Variants in CREB3 observed in about 807,000 individuals in gnomAD.
The protein encoded by CREB3 is cyclic AMP-responsive element-binding protein 3.
Under a neutral mutation model 34.5 loss-of-function variants are expected in CREB3, and 29 were observed. The observed-to-expected ratio is 0.84, with a 90% CI of 0.63 to 1.15. The LOEUF (loss-of-function observed/expected upper bound fraction) is 1.15. CREB3 is among the 50% of genes most tolerant of loss of function. The pLI is 0.00. For missense variants in CREB3, 447 were observed against 443.4 expected (o/e 1.01, Z -0.07); for synonymous variants, 187 against 173.9 (o/e 1.08, Z -0.59).
chr9:35,733,333 C>T, intron 3 of CREB3, 51 bp downstream of exon 3: 4 of 1,607,594 alleles, frequency 2.5e-6, no homozygotes, highest in Non-Finnish European at 3.4e-6. Context: ...CAGGTGGGGG[C>T]AGGATTCCCC....
chr9:35,736,040 T>G lies in CREB3; in HGVS notation c.612-8T>G, dbSNP rs1199231132. On this transcript the variant is annotated splice_region_variant and splice_polypyrimidine_tract_variant and intron_variant, in intron 6 of 8. Transcript: ENST00000353704. ...GGATGCTCACTATTGGCCCCTCTCTTCCTCTAGGTCCCTTCTAGATCAACT... is the reference window on the plus strand; with the variant it reads ...GGATGCTCACTATTGGCCCCTCTCTGCCTCTAGGTCCCTTCTAGATCAACT... 1.8e-5 allele frequency: 29 copies of G among 1,610,850 alleles called. No homozygotes were observed. Among genetic ancestry groups the G allele is most frequent in the Non-Finnish European group, 2.3e-5 (27 of 1,177,216 alleles).
intron 4 of CREB3, among the ~76,000 whole-genome samples, chr9:35,734,222 C>T (rs1405715405): frequency 6.6e-6 from 1 of 152,058 alleles, no homozygotes; most frequent in Non-Finnish European, 1.5e-5. Context: ...AAGTGATCTA[C>T]CCACCTTGGC....
At chr9:35,733,614 A>G in intron 4 of CREB3, 129 bp downstream of exon 4, 1 of 673,090 alleles carries the variant, frequency 1.5e-6, no homozygotes, top group East Asian at 2.7e-5. Context: ...TTTATTGCTA[A>G]TAGGAAGTTG....
Position 35,733,665 on chromosome 9 carries a change from G to T in CREB3, c.435+180G>T, listed in dbSNP as rs530444674. Among the ~76,000 whole-genome samples, 131 of 152,160 alleles carry T rather than the reference G, an allele frequency of 8.6e-4. 1 individual carries two copies. The highest frequency in any genetic ancestry group is 1.3e-3 in the Non-Finnish European group (85 of 67,994). On this transcript the variant is annotated intron_variant, in intron 4 of 8. Transcript: ENST00000353704. ...ATGCCAGATGCAAGGGCAGATCCTC[G>T]TTTTTGTTGGGCTTATACAAATTTT...
rs368467510 is a variant in CREB3, at chr9:35,736,458, A to C, written c.848A>C (p.Gln283Pro). 3 of 1,614,142 alleles carry C rather than the reference A, an allele frequency of 1.9e-6. No individual in the cohort carries two copies. The highest frequency in any genetic ancestry group is 2.7e-5 in the African/African-American group (2 of 75,036). ...TACCAGCTGGAGCTGCCTGCCCTGC[A>C]GTCAGAAGTGCCGAAAGACAGCACA... Reference protein sequence around the residue: ...DPYQLELPALQSEVPKDSTHQ... With the variant: ...DPYQLELPALPSEVPKDSTHQ... The change falls in exon 9 of 9, where the codon CAG becomes CCG. Residue 283 changes from glutamine (Q) to proline (P), a missense_variant. Coordinates refer to ENST00000353704, the MANE Select transcript of CREB3 (RefSeq NM_006368.5).
chr9:35,733,251 C>T lies in CREB3; in HGVS notation c.314C>T (p.Thr105Ile). 1 of 1,614,198 alleles carries T rather than the reference C, an allele frequency of 6.2e-7. No homozygotes were observed. Among genetic ancestry groups the T allele is most frequent in the African/African-American group, 1.3e-5 (1 of 75,040 alleles). The change falls in exon 3 of 9, where the codon ACT becomes ATT. Residue 105 changes from threonine to isoleucine, a missense_variant. Coordinates refer to ENST00000353704, the MANE Select transcript of CREB3 (RefSeq NM_006368.5). The stretch of plus-strand genomic sequence containing the variant: ...TGTAGAAAAGAGGGGACCCAGATGA[C>T]TCCACAGCATATGGAGGAGCTGGCA... Reference protein sequence around the residue: ...ESCRKEGTQMTPQHMEELAEQ... With the variant: ...ESCRKEGTQMIPQHMEELAEQ...
chr9:35,736,523 C>T lies in CREB3; in HGVS notation c.913C>T (p.Pro305Ser), dbSNP rs552549670. Residue 305 changes from proline to serine, a missense_variant, in exon 9 of 9, where the codon CCT becomes TCT. Transcript: ENST00000353704. Reference protein sequence around the residue: ...LDGSDCVLQAPGNTSCLLHYM... With the variant: ...LDGSDCVLQASGNTSCLLHYM... ...CGGCTCAGACTGTGTACTCCAGGCCCCTGGCAACACTTCCTGCCTGCTGCA... is the reference window on the plus strand; with the variant it reads ...CGGCTCAGACTGTGTACTCCAGGCCTCTGGCAACACTTCCTGCCTGCTGCA... The T allele has an allele frequency of 1.5e-5, 25 of 1,614,192 alleles. No homozygotes were observed. The East Asian group carries it at 4.7e-4, about 30-fold the overall frequency.
Position 35,732,758 on chromosome 9 carries a change from C to T in CREB3, c.-15C>T, listed in dbSNP as rs924038615. On this transcript the variant is annotated 5_prime_UTR_variant, in exon 1 of 9. Transcript: ENST00000353704. The surrounding 1 kb of genome is among the most constrained non-coding windows in gnomAD (Gnocchi z 5.1). ...GTTGGGGCCCGGTGGCCCACCCTTT[C>T]CGTAGTTGTCCCAAATGGAGCTGGA... The T allele has an allele frequency of 1.7e-5, 27 of 1,602,122 alleles. No homozygotes were observed. The highest frequency in any genetic ancestry group is 2.3e-5 in the Non-Finnish European group (27 of 1,173,976).
At chr9:35,736,205 T>A (rs367937798) in intron 7 of CREB3, 22 bp from the exon 8 acceptor site, 4 of 1,613,444 alleles carry the variant, frequency 2.5e-6, no homozygotes, top group African/African-American at 1.3e-5. Context: ...CCCTTCTTCA[T>A]CTCCTTTTTC....
intron 6 of CREB3, among the ~76,000 whole-genome samples, chr9:35,735,636 CAG>C (rs1244029426): frequency 1.3e-5 from 2 of 152,110 alleles, no homozygotes; most frequent in South Asian, 2.1e-4. Context: ...GCATTCTAGG[CAG>C]AGAGAAAGCA....
rs1398057979 is a variant in CREB3, at chr9:35,732,790, T to G, written c.18T>G (p.Asp6Glu). 3 of 1,612,796 alleles carry G rather than the reference T, an allele frequency of 1.9e-6. No homozygotes were observed. Among genetic ancestry groups the G allele is most frequent in the African/African-American group, 1.3e-5 (1 of 74,872 alleles). The part of the protein sequence containing the change: MELEL[D>E]AGDQDLLAFL... ...TGTCCCAAATGGAGCTGGAATTGGA[T>G]GCTGGTGACCAAGACCTGCTGGCCT... Residue 6 changes from aspartate to glutamate, a missense_variant, in exon 1 of 9, where the codon GAT becomes GAG. Physicochemically the swap from Asp to Glu is conservative, Grantham distance 45 (BLOSUM62 2). Coordinates refer to ENST00000353704, the MANE Select transcript of CREB3 (RefSeq NM_006368.5). This position sits in a 1 kb window ranked among gnomAD's most constrained non-coding sequence, Gnocchi z 5.1.
intron 4 of CREB3, among the ~76,000 whole-genome samples, chr9:35,734,508 G>T (rs964997835): frequency 6.6e-6 from 1 of 152,082 alleles, no homozygotes; most frequent in Admixed American, 6.6e-5. Flanking sequence ...GCTAAACAGG[G>T]TTTATTCTAT....
intron 4 of CREB3, among the ~76,000 whole-genome samples, chr9:35,734,215 T>G (rs1422408417): frequency 6.6e-6 from 1 of 151,892 alleles, no homozygotes; most frequent in Middle Eastern, 3.2e-3. Flanking sequence ...TGGGCTCAAG[T>G]GATCTACCCA....
rs140493582 is a variant in CREB3 at position 35,735,137 on chromosome 9, G to A, written c.464G>A (p.Arg155Gln). The A allele has an allele frequency of 9.3e-4, 1,495 of 1,604,050 alleles. 1 individual carries two copies. Among genetic ancestry groups the A allele is most frequent in the Non-Finnish European group, 8.6e-4 (1,010 of 1,177,676 alleles). Residue 155 changes from arginine to glutamine, a missense_variant, in exon 5 of 9, where the codon CGG (arginine) becomes CAG (glutamine). Coordinates refer to ENST00000353704, the MANE Select transcript of CREB3 (RefSeq NM_006368.5). The stretch of plus-strand genomic sequence containing the variant: ...GAGGAACAAATTCTGAAACGTGTGC[G>A]GAGGAAGATTCGAAATAAAAGATCT... ...KTEEQILKRV[R>Q]RKIRNKRSAQ...
chr9:35,736,316 G>A lies in CREB3; in HGVS notation c.781+5G>A, dbSNP rs1398690898. On this transcript the variant is annotated splice_donor_5th_base_variant and intron_variant, in intron 8 of 8. Transcript: ENST00000353704. ...GCCTGCCAGCTGAGCATGGAGGTAA[G>A]AGGCTTAAGGATAGCTCTCAGACAG... 6.2e-7 allele frequency: 1 copy of A among 1,613,962 alleles called. No homozygotes were observed. The highest frequency in any genetic ancestry group is 1.3e-5 in the African/African-American group (1 of 75,020).
At position 35,733,452 on chromosome 9, in the gene CREB3, G is replaced by T. The variant is rs756700920; in HGVS notation, c.402G>T (p.Gly134=). Residue 134 remains glycine, a synonymous_variant, in exon 4 of 9, where the codon GGG becomes GGT. Coordinates refer to ENST00000353704, the MANE Select transcript of CREB3 (RefSeq NM_006368.5). ...AGAAGAGTCTATTGGAGAAGGAGGG[G>T]CTTATTCTGCCTGAGACACTTCCTC... is the stretch of plus-strand genomic sequence containing the variant. ...DEEKSLLEKE[G]LILPETLPLT... 13 of 1,613,474 alleles carry T rather than the reference G, an allele frequency of 8.1e-6. No homozygotes were observed. The East Asian group carries it at 2.9e-4, about 36-fold the overall frequency.
Position 35,736,258 on chromosome 9 carries a change from T to C in CREB3, c.728T>C (p.Val243Ala). 1 of 1,614,180 alleles carries C rather than the reference T, an allele frequency of 6.2e-7. No homozygotes were observed. The highest frequency in any genetic ancestry group is 8.5e-7 in the Non-Finnish European group (1 of 1,180,020). Residue 243 changes from valine (V) to alanine (A), a missense_variant, in exon 8 of 9, where the codon GTA (valine) becomes GCA (alanine). By Grantham distance (64) the Val-to-Ala change is moderately conservative. Transcript: ENST00000353704. Reference sequence around the variant, plus strand: ...CTAGTCTCCTTCTGCCTCCTCCTTGTACCTGCTATGTACTCCTCTGACACA... The same window carrying C: ...CTAGTCTCCTTCTGCCTCCTCCTTGCACCTGCTATGTACTCCTCTGACACA... ...VLLVSFCLLL[V>A]PAMYSSDTRG...
In CREB3 at chr9:35,732,787, G is replaced by A; in HGVS notation, c.15G>A (p.Leu5=). 1 of 1,612,620 alleles carries A rather than the reference G, an allele frequency of 6.2e-7. No homozygotes were observed. Among genetic ancestry groups the A allele is most frequent in the Non-Finnish European group, 8.5e-7 (1 of 1,179,252 alleles). ...AGTTGTCCCAAATGGAGCTGGAATT[G>A]GATGCTGGTGACCAAGACCTGCTGG... is the stretch of plus-strand genomic sequence containing the variant. The part of the protein sequence containing the change: MELE[L]DAGDQDLLAF... The change falls in exon 1 of 9, where the codon TTG becomes TTA. Residue 5 remains leucine, a synonymous_variant. Transcript: ENST00000353704. The surrounding 1 kb of genome is among the most constrained non-coding windows in gnomAD (Gnocchi z 5.1).
intron 5 of CREB3, 22 bp from the exon 6 acceptor site, chr9:35,735,284 G>C: frequency 6.2e-7 from 1 of 1,613,160 alleles, no homozygotes; most frequent in Non-Finnish European, 8.5e-7. Context: ...CCATATCCCC[G>C]TATCTTTGTT....
Sources: allele counts gnomAD v4.1 joint callset (sites outside exome capture counted in the v4.1 genomes callset), GRCh38; gene constraint gnomAD v4.1.1; non-coding constraint Gnocchi (gnomAD v3.1); transcripts MANE v1.5; gene names NCBI Gene and HGNC (gene_info 2026-07-23, HGNC 2026-07-21).